The following PKIB variants were observed in gnomAD, a reference collection of about 807,000 sequenced individuals.
PKIB encodes the protein PKI-beta.
In PKIB, 2 loss-of-function variants were observed where a neutral mutation model predicts 4.5. The observed-to-expected ratio is 0.44, with a 90% confidence interval of 0.18 to 1.39. The LOEUF is 1.39. Ranked by LOEUF, PKIB falls within the 40% of genes most tolerant of loss-of-function variation. The probability of loss-of-function intolerance (pLI) is 0.27; values close to 1 mark genes in which losing one functional copy is unlikely to be tolerated. For synonymous variants in PKIB, 38 were observed against 36.0 expected (o/e 1.06, Z -0.20); for missense variants, 94 against 92.6 (o/e 1.02, Z -0.06).
chr6:122,530,062 A>G (rs1777212942), intron 2 of PKIB, among the ~76,000 whole-genome samples: 1 of 151,652 alleles, frequency 6.6e-6, no homozygotes, highest in Non-Finnish European at 1.5e-5. Flanking sequence ...GTATTCTCAT[A>G]TGTATATATT....
chr6:122,547,861 A>C (rs894167045), intron 2 of PKIB, among the ~76,000 whole-genome samples: 1 of 150,592 alleles, frequency 6.6e-6, no homozygotes, highest in Admixed American at 6.7e-5. Flanking sequence ...TGATTATATA[A>C]CAAGTGGAGT....
At chr6:122,641,070 A>C (rs1338681971) in intron 2 of PKIB, among the ~76,000 whole-genome samples, 1 of 152,188 alleles carries the variant, frequency 6.6e-6, no homozygotes, top group South Asian at 2.1e-4. Flanking sequence ...AAAATGCAAC[A>C]GTTAAGTCTC....
In PKIB at chr6:122,587,221, C is replaced by T. The variant is rs559553878; in HGVS notation, c.-161+1214C>T. On this transcript the variant is annotated intron_variant, in intron 3 of 6. Coordinates refer to the PKIB transcript ENST00000392491. ...GCCCCGGTATGTGATGTTCCCCTTC[C>T]TGTGTCCATGTGTTCTCATTGTTCA... Among the ~76,000 whole-genome samples the T allele has an allele frequency of 1.8e-4, 27 of 152,214 alleles. No individual in the cohort carries two copies. The East Asian group carries it at 4.3e-3, about 24-fold the overall frequency.
chr6:122,537,491 C>G (rs1475943338), intron 2 of PKIB, among the ~76,000 whole-genome samples: 1 of 152,106 alleles, frequency 6.6e-6, no homozygotes, highest in Admixed American at 6.6e-5. Flanking sequence ...TCATCCATGT[C>G]CCTACAAAGG....
At chr6:122,615,929 A>G (rs1409501331) in intron 1 of PKIB, among the ~76,000 whole-genome samples, 1 of 152,190 alleles carries the variant, frequency 6.6e-6, no homozygotes, top group Non-Finnish European at 1.5e-5. Context: ...GTGAAAATAA[A>G]TTTCTGTTGT....
intron 2 of PKIB, among the ~76,000 whole-genome samples, chr6:122,658,157 T>A (rs1776847385): frequency 6.6e-6 from 1 of 152,172 alleles, no homozygotes; most frequent in Non-Finnish European, 1.5e-5. Context: ...TTGTAATAGA[T>A]TGGTTTTGTG....
At chr6:122,497,389 T>C (rs1776103402) in intron 2 of PKIB, among the ~76,000 whole-genome samples, 1 of 152,174 alleles carries the variant, frequency 6.6e-6, no homozygotes, top group African/African-American at 2.4e-5. Flanking sequence ...TAGCCATGAA[T>C]GTAAATGGTA....
At chr6:122,647,999 C>T (rs936311930) in intron 2 of PKIB, among the ~76,000 whole-genome samples, 1 of 152,224 alleles carries the variant, frequency 6.6e-6, no homozygotes, top group African/African-American at 2.4e-5. Flanking sequence ...CCTCAGGGAT[C>T]TCCTGTGTTT....
intron 2 of PKIB, among the ~76,000 whole-genome samples, chr6:122,503,130 T>G (rs1776293771): frequency 6.6e-6 from 1 of 152,182 alleles, no homozygotes; most frequent in Non-Finnish European, 1.5e-5. Context: ...GGGCTCCACC[T>G]TAATGACCTC....
intron 3 of PKIB, among the ~76,000 whole-genome samples, chr6:122,686,661 T>C (rs1020515372): frequency 2.0e-5 from 3 of 151,950 alleles, no homozygotes; most frequent in Admixed American, 6.6e-5. Flanking sequence ...CATGTCCAGA[T>C]AACTTCTTTA....
chr6:122,562,606 G>C (rs117665489), intron 2 of PKIB, among the ~76,000 whole-genome samples: 3,231 of 152,136 alleles, frequency 0.021, 39 homozygotes, highest in Non-Finnish European at 0.034. Context: ...CCTTAAGTTT[G>C]GTCATTTAAC....
At chr6:122,539,909 G>A (rs1402431844) in intron 2 of PKIB, among the ~76,000 whole-genome samples, 1 of 151,996 alleles carries the variant, frequency 6.6e-6, no homozygotes. Context: ...TTTAGTCTTG[G>A]GAGGGTGTAT....
intron 2 of PKIB, among the ~76,000 whole-genome samples, chr6:122,485,610 G>A (rs538457): frequency 0.71 from 107,211 of 152,020 alleles, 37,928 homozygotes; most frequent in South Asian, 0.78. Context: ...CAAAAATCAC[G>A]TTTAATAACA....
chr6:122,583,342 C>A (rs1407964284), intron 2 of PKIB, among the ~76,000 whole-genome samples: 1 of 152,032 alleles, frequency 6.6e-6, no homozygotes, highest in African/African-American at 2.4e-5. Context: ...AGGACTTATA[C>A]ATTCTTAATA....
At chr6:122,687,115 C>A (rs1778125771) in intron 3 of PKIB, among the ~76,000 whole-genome samples, 1 of 152,086 alleles carries the variant, frequency 6.6e-6, no homozygotes, top group African/African-American at 2.4e-5. Flanking sequence ...AAATTTAAGT[C>A]TTTAATTCAT....
chr6:122,549,100 T>C (rs1025714131), intron 2 of PKIB, among the ~76,000 whole-genome samples: 4 of 152,150 alleles, frequency 2.6e-5, no homozygotes, highest in African/African-American at 9.6e-5. Context: ...GGCTGAATCA[T>C]GTGTCAGCCC....
At chr6:122,541,010 CT>C (rs1213340187) in intron 2 of PKIB, among the ~76,000 whole-genome samples, 2 of 150,756 alleles carry the variant, frequency 1.3e-5, no homozygotes, top group Middle Eastern at 3.4e-3. Context: ...CAACCCCTGC[CT>C]TTTTTTTGTT....
At chr6:122,532,599 C>T (rs1777291326) in intron 2 of PKIB, among the ~76,000 whole-genome samples, 1 of 152,074 alleles carries the variant, frequency 6.6e-6, no homozygotes, top group Admixed American at 6.6e-5. Context: ...CCTATATATC[C>T]CATATAGATG....
intron 3 of PKIB, among the ~76,000 whole-genome samples, chr6:122,603,669 T>C (rs1262663155): frequency 2.0e-5 from 3 of 152,074 alleles, no homozygotes; most frequent in African/African-American, 7.2e-5. Context: ...TTAGTAGAGA[T>C]GGGGTTTTGC....
Sources: allele counts gnomAD v4.1 joint callset (sites outside exome capture counted in the v4.1 genomes callset), GRCh38; gene constraint gnomAD v4.1.1; transcripts MANE v1.5; gene names NCBI Gene and HGNC (gene_info 2026-07-23, HGNC 2026-07-21).